CREB5: variants seen among roughly 807,000 people sequenced by gnomAD.
The protein encoded by CREB5 is cyclic AMP-responsive element-binding protein 5.
In CREB5, 19 loss-of-function variants were observed where a neutral mutation model predicts 57.1. The ratio of observed to expected loss-of-function variants is 0.33; its 90% CI spans 0.23 to 0.49. The LOEUF is 0.49. Ranked by LOEUF, CREB5 falls within the 20% of genes least tolerant of loss-of-function variation. The pLI, the probability that CREB5 is intolerant of heterozygous loss-of-function variation, is 0.99. For missense variants in CREB5, 579 were observed against 671.6 expected, an observed-to-expected ratio of 0.86 and a Z score of 1.52; for synonymous variants, 238 against 238.3, an observed-to-expected ratio of 1.00 and a Z score of 0.01.
rs546298264 is a variant in CREB5 at position 28,732,523 on chromosome 7, C to T, written c.702+8191C>T. Among the ~76,000 whole-genome samples the T allele has an allele frequency of 3.6e-4, 54 of 151,806 alleles. No homozygotes were observed. In the South Asian group the frequency reaches 7.9e-3, roughly 22 times the overall value. On this transcript the variant is annotated intron_variant, in intron 7 of 10. Transcript: ENST00000357727. ...TCCCTGTCTGCTTTGGAACATTGTGCGAATAAGTTCAGCTGTGTCAGAAAA... is the reference window on the plus strand; with the variant it reads ...TCCCTGTCTGCTTTGGAACATTGTGTGAATAAGTTCAGCTGTGTCAGAAAA...
rs1329714347 is a variant in CREB5, at chr7:28,445,765, A to C, written c.3+32848A>C. Among the ~76,000 whole-genome samples the C allele has an allele frequency of 3.2e-4, 49 of 151,648 alleles. 2 individuals carry two copies. In the East Asian group the frequency reaches 7.6e-3, roughly 24 times the overall value. On this transcript the variant is annotated intron_variant, in intron 1 of 10. Coordinates refer to ENST00000357727, the MANE Select transcript of CREB5 (RefSeq NM_182898.4). ...ATGGGGTTTCACTGTGTTAGCCAGG[A>C]TGATCTCGATCTTCTGACCTCATGA...
At chr7:28,620,658 C>A (rs1158606494) in intron 5 of CREB5, among the ~76,000 whole-genome samples, 1 of 152,166 alleles carries the variant, frequency 6.6e-6, no homozygotes, top group Admixed American at 6.5e-5. Flanking sequence ...TGGCCTCAGG[C>A]TCGCCCCATT....
intron 8 of CREB5, among the ~76,000 whole-genome samples, chr7:28,808,310 A>C (rs887645815): frequency 6.6e-6 from 1 of 152,200 alleles, no homozygotes; most frequent in African/African-American, 2.4e-5. Flanking sequence ...ATAGGATTTC[A>C]TCTGCTTTCC....
chr7:28,344,672 T>C (rs1399549730), intron 1 of CREB5, among the ~76,000 whole-genome samples: 1 of 152,158 alleles, frequency 6.6e-6, no homozygotes, highest in Non-Finnish European at 1.5e-5. Context: ...TCAATAATTA[T>C]TTTGAATGTA....
intron 1 of CREB5, among the ~76,000 whole-genome samples, chr7:28,330,838 T>G (rs114319022): frequency 0.012 from 1,886 of 152,294 alleles, 36 homozygotes; most frequent in African/African-American, 0.042. Context: ...TGGAAAAATA[T>G]CCAAGGAAAT....
intron 5 of CREB5, among the ~76,000 whole-genome samples, chr7:28,587,185 A>AAAGCAAGACAAAAC (rs1244221617): frequency 6.6e-6 from 1 of 152,242 alleles, no homozygotes; most frequent in Non-Finnish European, 1.5e-5. Context: ...AACAAGATTA[A>AAAGCAAGACAAAAC]AAGCAAGACA....
chr7:28,381,007 A>AG lies in CREB5; in HGVS notation c.-25+81571dup, dbSNP rs1418140262. ...CAGAACTAGGGATTAGTATAAAACT[A>AG]GGGGGCAGGTGGTTTGTTCACAGAT... is the stretch of plus-strand genomic sequence containing the variant. On this transcript the variant is annotated intron_variant, in intron 1 of 9. Coordinates refer to the CREB5 transcript ENST00000396299. Among the ~76,000 whole-genome samples the AG allele has an allele frequency of 2.6e-5, 4 of 152,268 alleles. No individual in the cohort carries two copies. The South Asian group carries it at 6.2e-4, about 24-fold the overall frequency.
At chr7:28,476,345 ACT>A (rs1562743173) in intron 1 of CREB5, among the ~76,000 whole-genome samples, 1 of 152,088 alleles carries the variant, frequency 6.6e-6, no homozygotes, top group Non-Finnish European at 1.5e-5. Context: ...TGTATACATA[ACT>A]CTGTGCCATG....
Position 28,344,722 on chromosome 7 carries a change from T to TA in CREB5, c.-25+45292dup, listed in dbSNP as rs199959880. ...TAAAGACAGAATGGCTAAGTGGATT[T>TA]AAAAAAAAAAAGACAAGATCCAATT... is the stretch of plus-strand genomic sequence containing the variant. On this transcript the variant is annotated intron_variant, in intron 1 of 9. Transcript: ENST00000396299. Among the ~76,000 whole-genome samples the TA allele has an allele frequency of 6.8e-3, 995 of 146,556 alleles. 3 individuals are homozygous for TA. Among genetic ancestry groups the TA allele is most frequent in the African/African-American group, 0.022 (896 of 40,246 alleles).
intron 4 of CREB5, among the ~76,000 whole-genome samples, chr7:28,543,255 C>G (rs1427474853): frequency 6.6e-6 from 1 of 152,184 alleles, no homozygotes; most frequent in Non-Finnish European, 1.5e-5. Context: ...AGTTTCCTTT[C>G]CTTCTGCCTT....
At chr7:28,591,617 C>T (rs572719714) in intron 5 of CREB5, among the ~76,000 whole-genome samples, 1 of 152,264 alleles carries the variant, frequency 6.6e-6, no homozygotes, top group Admixed American at 6.5e-5. Flanking sequence ...TACAGAAGCT[C>T]TTCCAGAAGG....
intron 5 of CREB5, among the ~76,000 whole-genome samples, chr7:28,686,480 G>GAAA (rs5883163): frequency 8.7e-6 from 1 of 115,446 alleles, no homozygotes. Context: ...GAGGAAAAAA[G>GAAA]AAAAAAAAAA....
At chr7:28,752,761 C>T (rs1805057457) in intron 7 of CREB5, among the ~76,000 whole-genome samples, 1 of 152,016 alleles carries the variant, frequency 6.6e-6, no homozygotes, top group African/African-American at 2.4e-5. Flanking sequence ...TTTGTCTTCG[C>T]AAATAATCCA....
At chr7:28,808,712 C>CTTTTTTTTTT (rs59374546) in intron 8 of CREB5, among the ~76,000 whole-genome samples, 4 of 83,194 alleles carry the variant, frequency 4.8e-5, no homozygotes, top group Non-Finnish European at 6.3e-5. Context: ...CCAATTTTTC[C>CTTTTTTTTTT]TTTTTTTTTT....
At chr7:28,381,595 G>A (rs979844688) in intron 1 of CREB5, among the ~76,000 whole-genome samples, 1 of 152,180 alleles carries the variant, frequency 6.6e-6, no homozygotes, top group East Asian at 1.9e-4. Context: ...AGAATGATTG[G>A]CAATAGCCCA....
chr7:28,492,663 G>A (rs1791854551), intron 2 of CREB5, among the ~76,000 whole-genome samples: 1 of 150,760 alleles, frequency 6.6e-6, no homozygotes, highest in South Asian at 2.1e-4. Context: ...TCAAAAAATG[G>A]CTTATAGATA....
At chr7:28,647,188 C>T (rs1000045120) in intron 5 of CREB5, among the ~76,000 whole-genome samples, 1 of 151,244 alleles carries the variant, frequency 6.6e-6, no homozygotes, top group Non-Finnish European at 1.5e-5. Flanking sequence ...AGTGGCCAGA[C>T]ACCAGGGCTT....
At chr7:28,663,656 A>C (rs1415537837) in intron 5 of CREB5, among the ~76,000 whole-genome samples, 2 of 152,194 alleles carry the variant, frequency 1.3e-5, no homozygotes, top group Admixed American at 6.5e-5. Context: ...CTGCTTTTAC[A>C]TGGTGATCTC....
At chr7:28,584,961 A>G (rs1283818164) in intron 5 of CREB5, among the ~76,000 whole-genome samples, 2 of 152,170 alleles carry the variant, frequency 1.3e-5, no homozygotes, top group African/African-American at 2.4e-5. Context: ...CTCCATTTGT[A>G]CAGAAAGGGA....
Sources: allele counts gnomAD v4.1 joint callset (sites outside exome capture counted in the v4.1 genomes callset), GRCh38; gene constraint gnomAD v4.1.1; transcripts MANE v1.5; gene names NCBI Gene and HGNC (gene_info 2026-07-23, HGNC 2026-07-21).